The following FAP variants were observed in gnomAD, a reference collection of about 807,000 sequenced individuals.
The protein encoded by FAP is prolyl endopeptidase FAP.
FAP carries 110 observed loss-of-function variants against 126.5 expected under a neutral mutation model. The ratio of observed to expected loss-of-function variants is 0.87; its 90% CI spans 0.74 to 1.02. The LOEUF is 1.02. FAP is among the 50% of genes least tolerant of loss of function. FAP has a pLI of 0.00. For synonymous variants in FAP, 334 were observed against 297.3 expected (o/e 1.12, Z -1.27); for missense variants, 919 against 909.2 (o/e 1.01, Z -0.14).
chr2:162,238,235 A>G (rs762681694), intron 2 of FAP, among the ~76,000 whole-genome samples: 7 of 151,850 alleles, frequency 4.6e-5, no homozygotes, highest in Non-Finnish European at 7.4e-5. Flanking sequence ...GCTATATTTT[A>G]TGGCTCAGTT....
chr2:162,222,379 A>T (rs1367013807), intron 6 of FAP, among the ~76,000 whole-genome samples: 1 of 152,196 alleles, frequency 6.6e-6, no homozygotes, highest in Non-Finnish European at 1.5e-5. Context: ...GACAAGAAGG[A>T]CTCAGAATGC....
chr2:162,215,001 T>C (rs902227694), intron 10 of FAP, among the ~76,000 whole-genome samples: 2 of 152,030 alleles, frequency 1.3e-5, no homozygotes, highest in Non-Finnish European at 2.9e-5. Context: ...GTTATGCTCA[T>C]TTCATCTGCC....
chr2:162,209,434 C>A (rs1392506707), intron 12 of FAP, among the ~76,000 whole-genome samples: 1 of 152,048 alleles, frequency 6.6e-6, no homozygotes, highest in East Asian at 1.9e-4. Context: ...TAAATGATCA[C>A]AAGTAACAAA....
Position 162,188,341 on chromosome 2 carries a change from T to A in FAP, c.1642A>T (p.Ser548Cys), listed in dbSNP as rs1687924255. The A allele has an allele frequency of 1.9e-6, 3 of 1,612,856 alleles. No homozygotes were observed. In the African/African-American group the frequency reaches 4.0e-5, roughly 22 times the overall value. Reference sequence around the variant, plus strand: ...TTAACAGCAAATACAGACCTTACACTCTGACTGCAGGGACCACCATACCTA... The same window carrying A: ...TTAACAGCAAATACAGACCTTACACACTGACTGCAGGGACCACCATACCTA... Reference protein sequence around the residue: ...IQVYGGPCSQSVRSVFAVNWI... With the variant: ...IQVYGGPCSQCVRSVFAVNWI... Residue 548 changes from serine (S) to cysteine (C), a missense_variant, in exon 20 of 26, where the codon AGT (serine) becomes TGT (cysteine). Physicochemically the swap from Ser to Cys is moderately radical, Grantham distance 112. Transcript: ENST00000188790.
At chr2:162,176,071 G>A (rs1687474175) in intron 21 of FAP, 1 of 152,096 alleles carries the variant, frequency 6.6e-6, no homozygotes, top group African/African-American at 2.4e-5. Context: ...ACAGATTTCT[G>A]GGAATCACTT....
intron 7 of FAP, 90 bp downstream of exon 7, chr2:162,219,763 C>G: frequency 1.2e-6 from 1 of 840,694 alleles, no homozygotes; most frequent in Middle Eastern, 2.8e-4. Context: ...ATTTTTTTTT[C>G]TTTCAGGCAG....
At chr2:162,195,520 TG>T (rs968015607) in intron 16 of FAP, among the ~76,000 whole-genome samples, 1 of 151,384 alleles carries the variant, frequency 6.6e-6, no homozygotes, top group Non-Finnish European at 1.5e-5. Context: ...TCTCCCGGGT[TG>T]GGGGGAGGTA....
At chr2:162,176,937 T>G (rs911849378) in intron 21 of FAP, among the ~76,000 whole-genome samples, 3 of 152,134 alleles carry the variant, frequency 2.0e-5, no homozygotes, top group African/African-American at 7.2e-5. Context: ...AAATTTTCTC[T>G]GGGAATTTGT....
At chr2:162,221,026 A>C (rs1012711819) in intron 6 of FAP, among the ~76,000 whole-genome samples, 1 of 152,178 alleles carries the variant, frequency 6.6e-6, no homozygotes, top group African/African-American at 2.4e-5. Flanking sequence ...AATTGTGAAG[A>C]TCTGTAACAC....
At chr2:162,189,285 A>G (rs984390956) in intron 18 of FAP, 113 bp from the exon 19 acceptor site, 2 of 557,902 alleles carry the variant, frequency 3.6e-6, no homozygotes, top group African/African-American at 2.0e-5. Flanking sequence ...CTAAATTGTT[A>G]AGAATTTAGG....
intron 6 of FAP, 64 bp downstream of exon 6, chr2:162,223,544 A>G: frequency 9.6e-7 from 1 of 1,041,020 alleles, no homozygotes; most frequent in Non-Finnish European, 1.5e-6. Context: ...CCCAAATCAT[A>G]GTTTGGAATG....
intron 2 of FAP, among the ~76,000 whole-genome samples, chr2:162,234,566 A>G (rs1690026492): frequency 6.6e-6 from 1 of 152,180 alleles, no homozygotes. Flanking sequence ...GATACTTTAT[A>G]TATTTTTTTC....
intron 21 of FAP, among the ~76,000 whole-genome samples, chr2:162,180,632 A>G (rs1687663170): frequency 6.6e-6 from 1 of 152,216 alleles, no homozygotes; most frequent in East Asian, 1.9e-4. Context: ...TTACTAATCA[A>G]TGGAATGTTG....
intron 17 of FAP, among the ~76,000 whole-genome samples, chr2:162,190,311 T>A (rs1687993570): frequency 6.6e-6 from 1 of 152,070 alleles, no homozygotes; most frequent in Non-Finnish European, 1.5e-5. Context: ...TTTTTGGTAA[T>A]TGAATTAGTT....
At chr2:162,201,192 A>G (rs1688483458) in intron 14 of FAP, among the ~76,000 whole-genome samples, 1 of 152,176 alleles carries the variant, frequency 6.6e-6, no homozygotes, top group Non-Finnish European at 1.5e-5. Context: ...GTTTCATGAC[A>G]TGGTTTTCAC....
In FAP at chr2:162,183,435, T is replaced by C. The variant is rs975629005; in HGVS notation, c.1848A>G (p.Lys616=). 19 of 1,610,400 alleles carry C rather than the reference T, an allele frequency of 1.2e-5. No individual in the cohort carries two copies. The highest frequency in any genetic ancestry group is 1.4e-5 in the Non-Finnish European group (17 of 1,177,800). The change falls in exon 21 of 26, where the codon AAA becomes AAG. Residue 616 remains lysine, a synonymous_variant. Transcript: ENST00000188790. ...KFIEMGFIDE[K]RIAIWGWSYG... ...TCACCCAGCCCCATATGGCTATTCT[T>C]TTTTCATCAATGAAACCCATTTCTA...
At position 162,173,901 on chromosome 2, in the gene FAP, A is replaced by G. The variant is rs906956549; in HGVS notation, c.1970-114T>C. Reference sequence around the variant, plus strand: ...TCAATTTTCCCATCTTGAGCTCTTGAGGTAAATTCTTGCTTTACTTTGCTA... The same window carrying G: ...TCAATTTTCCCATCTTGAGCTCTTGGGGTAAATTCTTGCTTTACTTTGCTA... On this transcript the variant is annotated intron_variant, in intron 22 of 25. Transcript: ENST00000188790. 50 of 764,546 alleles carry G rather than the reference A, an allele frequency of 6.5e-5. No homozygotes were observed. The African/African-American group carries it at 7.6e-4, about 12-fold the overall frequency. 47.4% of individuals were successfully genotyped at this position (764,546 alleles called of 1,614,324 possible).
Position 162,179,792 on chromosome 2 carries a change from A to ATCTATCTATC in FAP, c.1869+3621_1869+3622insGATAGATAGA, listed in dbSNP as rs1375172893. Among the ~76,000 whole-genome samples the ATCTATCTATC allele has an allele frequency of 6.0e-3, 582 of 96,654 alleles. 5 individuals carry two copies. The highest frequency in any genetic ancestry group is 0.016 in the Middle Eastern group (3 of 182). The allele number at this position is 96,654 out of a possible 152,430, so 63.4% of individuals were successfully genotyped here. A position where few individuals can be genotyped will look rare whatever the true frequency, so the allele number is the denominator to read the frequency against. Reference sequence around the variant, plus strand: ...TATCTATCTATCTATCTATCTATCTATATATATATATATATATATATTTTT... The same window carrying ATCTATCTATC: ...TATCTATCTATCTATCTATCTATCTATCTATCTATCTATATATATATATATATATATTTTT... On this transcript the variant is annotated intron_variant, in intron 21 of 25. Transcript: ENST00000188790.
chr2:162,218,276 T>TA (rs1478331800), intron 8 of FAP, 136 bp from the exon 9 acceptor site: 11 of 558,594 alleles, frequency 2.0e-5, no homozygotes, highest in Non-Finnish European at 2.9e-5. Flanking sequence ...CTTTGGTTAT[T>TA]AAAAAATTAC....
Sources: gnomAD v4.1 joint callset for allele counts (sites outside exome capture counted in the v4.1 genomes callset) on GRCh38, gnomAD v4.1.1 for gene constraint, MANE v1.5 for transcripts, NCBI Gene and HGNC (gene_info 2026-07-23, HGNC 2026-07-21) for gene names.